The following CCNY variants were observed in gnomAD, a reference collection of about 807,000 sequenced individuals.
The protein encoded by CCNY is cyclin Y.
A neutral mutation model predicts 42.8 loss-of-function variants in CCNY; 19 were observed. The ratio of observed to expected loss-of-function variants is 0.44; its 90% CI spans 0.31 to 0.65. CCNY has a LOEUF of 0.65. Ranked by LOEUF, CCNY falls within the 30% of genes least tolerant of loss-of-function variation. The probability of loss-of-function intolerance (pLI) is 0.07; values close to 1 mark genes in which losing one functional copy is unlikely to be tolerated. For missense variants in CCNY, 370 were observed against 437.3 expected, an observed-to-expected ratio of 0.85 and a Z score of 1.37; for synonymous variants, 165 against 162.7, an observed-to-expected ratio of 1.01 and a Z score of -0.11.
intron 1 of CCNY, among the ~76,000 whole-genome samples, chr10:35,372,691 A>G (rs1051946749): frequency 3.3e-5 from 5 of 152,098 alleles, no homozygotes; most frequent in South Asian, 2.1e-4. Flanking sequence ...ATAGAGAGCT[A>G]CTGCTTACAG....
chr10:35,255,480 G>C (rs948721718), intron 3 of CCNY, among the ~76,000 whole-genome samples: 1 of 149,732 alleles, frequency 6.7e-6, no homozygotes, highest in Non-Finnish European at 1.5e-5. Context: ...CATTGTTTTA[G>C]TGAGATGGGG....
chr10:35,361,305 T>C (rs1836681000), intron 1 of CCNY, among the ~76,000 whole-genome samples: 1 of 152,248 alleles, frequency 6.6e-6, no homozygotes, highest in African/African-American at 2.4e-5. Context: ...TTTTGTCTTA[T>C]TATAAAAGTG....
chr10:35,374,884 A>C (rs1837016117), intron 1 of CCNY, among the ~76,000 whole-genome samples: 1 of 152,210 alleles, frequency 6.6e-6, no homozygotes, highest in African/African-American at 2.4e-5. Context: ...AATTGTCAAC[A>C]CTTGTCACTA....
intron 1 of CCNY, among the ~76,000 whole-genome samples, chr10:35,465,938 A>AGAGAGAGAGAGTGTGTGT: frequency 8.3e-4 from 67 of 80,996 alleles, no homozygotes; most frequent in Non-Finnish European, 1.3e-3. Context: ...AGAGAGAGAG[A>AGAGAGAGAGAGTGTGTGT]GTGTGTGTGT....
chr10:35,344,999 A>G (rs1836268679), intron 1 of CCNY, among the ~76,000 whole-genome samples: 1 of 152,162 alleles, frequency 6.6e-6, no homozygotes, highest in Non-Finnish European at 1.5e-5. Flanking sequence ...GGTTGGTTCC[A>G]AGTCTTTGCT....
chr10:35,262,925 G>GA (rs35835078), intron 3 of CCNY, among the ~76,000 whole-genome samples: 54,906 of 147,572 alleles, frequency 0.37, 10,561 homozygotes, highest in African/African-American at 0.5. Flanking sequence ...GTTCTAAAAG[G>GA]AAAAAAAAAA....
At chr10:35,457,592 T>G (rs947225302) in intron 1 of CCNY, among the ~76,000 whole-genome samples, 1 of 152,158 alleles carries the variant, frequency 6.6e-6, no homozygotes, top group Non-Finnish European at 1.5e-5. Context: ...TGTATTTTTT[T>G]TTTTTTGAGA....
intron 3 of CCNY, among the ~76,000 whole-genome samples, chr10:35,261,218 C>T (rs2095719299): frequency 1.3e-5 from 2 of 150,108 alleles, no homozygotes; most frequent in Non-Finnish European, 3.0e-5. Flanking sequence ...TAGCAAGACC[C>T]TGTCTCTAAA....
chr10:35,345,353 C>G (rs1836278634), intron 1 of CCNY, among the ~76,000 whole-genome samples: 1 of 151,854 alleles, frequency 6.6e-6, no homozygotes, highest in Non-Finnish European at 1.5e-5. Context: ...CCTGTGGTCC[C>G]AGCTACTCAG....
intron 8 of CCNY, among the ~76,000 whole-genome samples, chr10:35,557,670 C>G (rs529493569): frequency 1.1e-4 from 16 of 152,130 alleles, no homozygotes; most frequent in African/African-American, 3.9e-4. Context: ...GCAGGAGAAT[C>G]GCTTGAGCCC....
chr10:35,532,954 C>T lies in CCNY; in HGVS notation c.579+2711C>T, dbSNP rs541385615. 1.5e-4 allele frequency among the ~76,000 whole-genome samples: 23 copies of T among 152,360 alleles called. 1 individual carries two copies. The highest frequency in any genetic ancestry group is 8.5e-4 in the Admixed American group (13 of 15,310). ...GAAGGTCCAGGCAGGTCTCGCATATCCCTTGTCCTGTAGGTCTGGAAGGAC... is the reference window on the plus strand; with the variant it reads ...GAAGGTCCAGGCAGGTCTCGCATATTCCTTGTCCTGTAGGTCTGGAAGGAC... On this transcript the variant is annotated intron_variant, in intron 7 of 9. Transcript: ENST00000374704.
intron 8 of CCNY, among the ~76,000 whole-genome samples, chr10:35,564,522 G>A (rs1288981146): frequency 6.6e-6 from 1 of 152,152 alleles, no homozygotes; most frequent in Non-Finnish European, 1.5e-5. Flanking sequence ...CAGCCATAGG[G>A]GTCTCGGGAC....
At chr10:35,251,231 G>A (rs772989381) in intron 3 of CCNY, among the ~76,000 whole-genome samples, 1 of 151,810 alleles carries the variant, frequency 6.6e-6, no homozygotes, top group African/African-American at 2.4e-5. Flanking sequence ...ACCACATCTC[G>A]ACAAAAATAA....
chr10:35,490,236 CTT>C (rs1283673415), intron 2 of CCNY, among the ~76,000 whole-genome samples: 1 of 152,170 alleles, frequency 6.6e-6, no homozygotes, highest in African/African-American at 2.4e-5. Flanking sequence ...CTTCATATGA[CTT>C]TGTTGGCAAA....
intron 1 of CCNY, among the ~76,000 whole-genome samples, chr10:35,399,770 C>G (rs1271878128): frequency 6.6e-6 from 1 of 152,128 alleles, no homozygotes; most frequent in Non-Finnish European, 1.5e-5. Context: ...AACTGGACTC[C>G]CCCTTAGCAG....
At chr10:35,521,810 C>G (rs529582515) in intron 4 of CCNY, among the ~76,000 whole-genome samples, 2 of 152,270 alleles carry the variant, frequency 1.3e-5, no homozygotes, top group African/African-American at 4.8e-5. Flanking sequence ...ACTGCTCCAC[C>G]TGGATGGAAG....
intron 3 of CCNY, among the ~76,000 whole-genome samples, chr10:35,330,632 C>CTTA (rs1835931604): frequency 6.6e-6 from 1 of 152,218 alleles, no homozygotes. Flanking sequence ...GTAAAAGAAG[C>CTTA]TTACACAGGG....
intron 1 of CCNY, among the ~76,000 whole-genome samples, chr10:35,477,332 CA>C (rs1181764204): frequency 1.3e-5 from 2 of 150,532 alleles, no homozygotes; most frequent in African/African-American, 4.9e-5. Flanking sequence ...GAGACACAAC[CA>C]AAAAAGAGAA....
chr10:35,550,271 T>C (rs546313551), intron 7 of CCNY, among the ~76,000 whole-genome samples: 3 of 110,352 alleles, frequency 2.7e-5, no homozygotes, highest in East Asian at 2.8e-4. Context: ...CTGCTCATAG[T>C]CCGTGACCCT....
Sources: gnomAD v4.1 joint callset for allele counts (sites outside exome capture counted in the v4.1 genomes callset) on GRCh38, gnomAD v4.1.1 for gene constraint, MANE v1.5 for transcripts, NCBI Gene and HGNC (gene_info 2026-07-23, HGNC 2026-07-21) for gene names.